Variants in ZNF385C observed in about 807,000 individuals in gnomAD.
ZNF385C encodes the protein CTD-2132N18.2.
ZNF385C carries 28 observed loss-of-function variants against 35.4 expected under a neutral mutation model. The observed-to-expected ratio is 0.79, with a 90% CI of 0.59 to 1.08. The LOEUF (loss-of-function observed/expected upper bound fraction) is 1.08, where lower values mean the gene tolerates loss of function less well. ZNF385C is among the 50% of genes least tolerant of loss of function. The pLI, the probability that ZNF385C is intolerant of heterozygous loss-of-function variation, is 0.00. For missense variants in ZNF385C, 605 were observed against 595.6 expected, an observed-to-expected ratio of 1.02 and a Z score of -0.16; for synonymous variants, 248 against 248.2, an observed-to-expected ratio of 1.00 and a Z score of 0.01.
rs538287662 is a variant in ZNF385C at position 42,046,240 on chromosome 17, C to G, written c.251-8355G>C. Among the ~76,000 whole-genome samples the G allele has an allele frequency of 7.2e-5, 11 of 152,112 alleles. No homozygotes were observed. In the East Asian group the frequency reaches 2.1e-3, roughly 29 times the overall value. On this transcript the variant is annotated intron_variant, in intron 2 of 8. Transcript: ENST00000692273. The stretch of plus-strand genomic sequence containing the variant: ...ACCATGTTTGTTCATTTTCATATCT[C>G]GTAAGTCCCTGTCTGGGGCTGGGCA...
intron 1 of ZNF385C, among the ~76,000 whole-genome samples, chr17:42,067,563 G>A (rs2053566174): frequency 6.6e-6 from 1 of 152,168 alleles, no homozygotes; most frequent in Non-Finnish European, 1.5e-5. Context: ...CAATGCAGCT[G>A]TCTCCTGGAG....
In ZNF385C at chr17:42,026,649, A is replaced by C; in HGVS notation, c.*248T>G. 1.8e-6 allele frequency: 1 copy of C among 564,968 alleles called. No individual in the cohort carries two copies. The highest frequency in any genetic ancestry group is 2.0e-5 in the South Asian group (1 of 49,520). The allele number at this position is 564,968 out of a possible 1,614,324, so 35.0% of individuals were successfully genotyped here. On this transcript the variant is annotated 3_prime_UTR_variant, in exon 9 of 9. Coordinates refer to ENST00000692273, the MANE Select transcript of ZNF385C (RefSeq NM_001392013.1). Reference sequence around the variant, plus strand: ...TGGCTGGGGCTGAGATTTTGCATAGATCTTTGGGGTCTGTCAGGGTGGGAA... The same window carrying C: ...TGGCTGGGGCTGAGATTTTGCATAGCTCTTTGGGGTCTGTCAGGGTGGGAA...
chr17:42,080,704 G>A (rs995198754), intron 1 of ZNF385C, among the ~76,000 whole-genome samples: 3 of 152,164 alleles, frequency 2.0e-5, no homozygotes, highest in Non-Finnish European at 2.9e-5. Flanking sequence ...GCACAAAGCC[G>A]TTGCAGGCCA....
rs1383697888 is a variant in ZNF385C, at chr17:42,027,932, C to A, written c.1164+118G>T. 2.0e-5 allele frequency: 27 copies of A among 1,377,904 alleles called. No homozygotes were observed. The African/African-American group carries it at 3.5e-4, about 18-fold the overall frequency. The allele number at this position is 1,377,904 out of a possible 1,614,324, so 85.4% of individuals were successfully genotyped here. On this transcript the variant is annotated intron_variant, in intron 7 of 8. Coordinates refer to ENST00000692273, the MANE Select transcript of ZNF385C (RefSeq NM_001392013.1). Reference sequence around the variant, plus strand: ...TTGGCCCACTGGCCTGCTGGCCTCGCTTCTCCAGCCTGCTCTGCTGTGCCC... The same window carrying A: ...TTGGCCCACTGGCCTGCTGGCCTCGATTCTCCAGCCTGCTCTGCTGTGCCC...
At chr17:42,045,129 C>T (rs555538463) in intron 2 of ZNF385C, among the ~76,000 whole-genome samples, 5 of 151,522 alleles carry the variant, frequency 3.3e-5, no homozygotes, top group East Asian at 1.9e-4. Flanking sequence ...GTGTTAGCCA[C>T]GATGGTCTCG....
intron 1 of ZNF385C, among the ~76,000 whole-genome samples, chr17:42,065,918 C>CT: frequency 6.6e-6 from 1 of 152,256 alleles, no homozygotes; most frequent in South Asian, 2.1e-4. Context: ...GTTCCTTCGT[C>CT]TATACCTCTG....
At chr17:42,055,409 G>A (rs1024458925) in intron 2 of ZNF385C, among the ~76,000 whole-genome samples, 1 of 151,930 alleles carries the variant, frequency 6.6e-6, no homozygotes, top group Admixed American at 6.6e-5. Flanking sequence ...TGGGGGAGGG[G>A]GATGCCAATG....
At chr17:42,040,357 G>C (rs1475049721) in intron 2 of ZNF385C, 2 of 1,231,886 alleles carry the variant, frequency 1.6e-6, no homozygotes, top group Non-Finnish European at 2.0e-6. Context: ...AGGGTCCATG[G>C]ATGCCAGTTC....
intron 1 of ZNF385C, among the ~76,000 whole-genome samples, chr17:42,067,362 T>C (rs1567993405): frequency 6.6e-6 from 1 of 152,136 alleles, no homozygotes; most frequent in Non-Finnish European, 1.5e-5. Context: ...GCGCCATAGA[T>C]CTCACCCTGG....
At chr17:42,081,102 C>T (rs2053743210) in intron 1 of ZNF385C, among the ~76,000 whole-genome samples, 1 of 152,222 alleles carries the variant, frequency 6.6e-6, no homozygotes, top group Non-Finnish European at 1.5e-5. Flanking sequence ...CCTGTCCACT[C>T]TATACCTTGG....
intron 1 of ZNF385C, among the ~76,000 whole-genome samples, chr17:42,096,218 C>T (rs184800729): frequency 6.6e-6 from 1 of 152,176 alleles, no homozygotes; most frequent in African/African-American, 2.4e-5. Flanking sequence ...CTTCACTGTC[C>T]GTAGGGGTGC....
At chr17:42,069,034 A>G (rs1250378142) in intron 1 of ZNF385C, among the ~76,000 whole-genome samples, 2 of 152,134 alleles carry the variant, frequency 1.3e-5, no homozygotes, top group Non-Finnish European at 2.9e-5. Context: ...GCGTGTATGT[A>G]CCCATCCATC....
rs1457339146 is a variant in ZNF385C at position 42,026,425 on chromosome 17, C to T, written c.*472G>A. On this transcript the variant is annotated 3_prime_UTR_variant, in exon 9 of 9. Coordinates refer to ENST00000692273, the MANE Select transcript of ZNF385C (RefSeq NM_001392013.1). Reference sequence around the variant, plus strand: ...CTTTCTCCTCCATGGTCCTCTGTCACACTCCCATGGTCACCTTGTCCTGAC... The same window carrying T: ...CTTTCTCCTCCATGGTCCTCTGTCATACTCCCATGGTCACCTTGTCCTGAC... 1 of 183,542 alleles carries T rather than the reference C, an allele frequency of 5.4e-6. No homozygotes were observed. The highest frequency in any genetic ancestry group is 1.2e-5 in the Non-Finnish European group (1 of 86,466). 11.4% of individuals were successfully genotyped at this position (183,542 alleles called of 1,614,324 possible). A position where few individuals can be genotyped will look rare whatever the true frequency, so the allele number is the denominator to read the frequency against.
rs782342323 is a variant in ZNF385C at position 42,027,700 on chromosome 17, C to T, written c.1193G>A (p.Arg398His). 30 of 1,612,598 alleles carry T rather than the reference C, an allele frequency of 1.9e-5. No homozygotes were observed. In the East Asian group the frequency reaches 2.7e-4, roughly 14 times the overall value. Reference sequence around the variant, plus strand: ...GGGCTTGGGGGTCTTCCCGGCCAGGCGGTCTTTGTGCCTCCTGCTGCTCAT... The same window carrying T: ...GGGCTTGGGGGTCTTCCCGGCCAGGTGGTCTTTGTGCCTCCTGCTGCTCAT... The part of the protein sequence containing the change: ...QHMSSRRHKD[R>H]LAGKTPKPSS... The change falls in exon 8 of 9, where the codon CGC becomes CAC. Residue 398 changes from arginine to histidine, a missense_variant. Coordinates refer to ENST00000692273, the MANE Select transcript of ZNF385C (RefSeq NM_001392013.1).
At chr17:42,055,940 C>A (rs1329150437) in intron 2 of ZNF385C, among the ~76,000 whole-genome samples, 2 of 152,170 alleles carry the variant, frequency 1.3e-5, no homozygotes, top group African/African-American at 4.8e-5. Flanking sequence ...ACCCCTCTCC[C>A]GCTGGAAGGC....
In ZNF385C at chr17:42,028,139, C is replaced by T. The variant is rs782271883; in HGVS notation, c.1075G>A (p.Gly359Arg). ...GGCCCCTGCCGGCCGCCCCGGCCCC[C>T]TGTGACTCTCTTGGCTTTGTGTCCG... is the stretch of plus-strand genomic sequence containing the variant. ...GAGHKAKRVT[G>R]GRGGRQGPSP... Residue 359 changes from glycine to arginine, a missense_variant, in exon 7 of 9, where the codon GGG becomes AGG. Gly to Arg is a moderately radical substitution (Grantham distance 125). Transcript: ENST00000692273. The T allele has an allele frequency of 2.4e-5, 38 of 1,611,988 alleles. No individual in the cohort carries two copies. The highest frequency in any genetic ancestry group is 5.3e-5 in the African/African-American group (4 of 74,864).
rs1230602269 is a variant in ZNF385C at position 42,028,210 on chromosome 17, C to G, written c.1004G>C (p.Gly335Ala). 6.4e-7 allele frequency: 1 copy of G among 1,554,184 alleles called. No homozygotes were observed. The highest frequency in any genetic ancestry group is 8.7e-7 in the Non-Finnish European group (1 of 1,152,986). Residue 335 changes from glycine to alanine, a missense_variant, in exon 7 of 9, where the codon GGG (glycine) becomes GCG (alanine). By Grantham distance (60) the Gly-to-Ala change is moderately conservative. Transcript: ENST00000692273. The part of the protein sequence containing the change: ...KHRWMMEGQR[G>A]APRRSRGRPV... ...GCGGCCCCGGCTCCTCCGGGGAGCC[C>G]CTCGCTGACCTTCCATCATCCACCG...
At chr17:42,082,194 G>A (rs2143930602) in intron 1 of ZNF385C, among the ~76,000 whole-genome samples, 1 of 152,280 alleles carries the variant, frequency 6.6e-6, no homozygotes, top group African/African-American at 2.4e-5. Flanking sequence ...CTGAATCCTG[G>A]GCTCCTAGAG....
chr17:42,078,918 G>A (rs112859697), intron 1 of ZNF385C, among the ~76,000 whole-genome samples: 3 of 152,222 alleles, frequency 2.0e-5, no homozygotes, highest in East Asian at 3.9e-4. Flanking sequence ...GCCACTAATC[G>A]TGTGACTGGG....
Sources: allele counts gnomAD v4.1 joint callset (sites outside exome capture counted in the v4.1 genomes callset), GRCh38; gene constraint gnomAD v4.1.1; transcripts MANE v1.5; gene names NCBI Gene and HGNC (gene_info 2026-07-23, HGNC 2026-07-21).